The following MCC variants were observed in gnomAD, a reference collection of about 807,000 sequenced individuals.
MCC encodes the protein colorectal mutant cancer protein.
A neutral mutation model predicts 116.2 loss-of-function variants in MCC; 90 were observed. The observed-to-expected ratio is 0.77, with a 90% CI of 0.65 to 0.92. The LOEUF is 0.92. MCC is among the 40% of genes least tolerant of loss of function. MCC has a pLI of 0.00. For synonymous variants in MCC, 578 were observed against 510.5 expected, an observed-to-expected ratio of 1.13 and a Z score of -1.78; for missense variants, 1,516 against 1,312.2, an observed-to-expected ratio of 1.16 and a Z score of -2.40.
intron 3 of MCC, among the ~76,000 whole-genome samples, chr5:113,179,815 C>G (rs1463968674): frequency 6.6e-6 from 1 of 152,190 alleles, no homozygotes; most frequent in Admixed American, 6.5e-5. Context: ...GCCGTGTTTA[C>G]AAGAGCATGG....
intron 11 of MCC, 101 bp from the exon 12 acceptor site, chr5:113,071,335 G>C: frequency 1.6e-6 from 2 of 1,271,810 alleles, no homozygotes; most frequent in East Asian, 2.4e-5. Flanking sequence ...ATGTGAGGAT[G>C]TGGGCCTGTC....
At chr5:113,400,415 G>A (rs1392155981) in intron 1 of MCC, among the ~76,000 whole-genome samples, 1 of 151,938 alleles carries the variant, frequency 6.6e-6, no homozygotes, top group East Asian at 1.9e-4. Context: ...GAGTCACCGC[G>A]CATGGCCTGT....
intron 2 of MCC, among the ~76,000 whole-genome samples, chr5:113,383,149 A>C (rs900726402): frequency 2.6e-5 from 4 of 152,188 alleles, no homozygotes; most frequent in African/African-American, 7.2e-5. Context: ...TTTTTTTCAC[A>C]AAAAATTTCC....
intron 1 of MCC, among the ~76,000 whole-genome samples, chr5:113,412,330 G>A (rs1295129267): frequency 2.6e-5 from 4 of 152,140 alleles, no homozygotes; most frequent in Non-Finnish European, 5.9e-5. Flanking sequence ...TAGCTTGATG[G>A]GGATGGCATT....
chr5:113,177,800 A>G (rs1037147564), intron 3 of MCC, among the ~76,000 whole-genome samples: 1 of 152,210 alleles, frequency 6.6e-6, no homozygotes, highest in African/African-American at 2.4e-5. Context: ...GTGGGTACAC[A>G]GTCTTCATAT....
At chr5:113,084,273 C>T (rs757555984) in intron 9 of MCC, 83 bp from the exon 10 acceptor site, 19 of 1,048,790 alleles carry the variant, frequency 1.8e-5, no homozygotes, top group Non-Finnish European at 2.8e-5. Context: ...TACAGGGCTA[C>T]TTTTTAGCCA....
At chr5:113,031,974 C>T (rs1169449140) in intron 17 of MCC, among the ~76,000 whole-genome samples, 1 of 152,070 alleles carries the variant, frequency 6.6e-6, no homozygotes, top group Admixed American at 6.5e-5. Flanking sequence ...CTGGGAGAAA[C>T]CCCAGGAAAG....
chr5:113,152,045 C>T (rs1271369163), intron 3 of MCC, among the ~76,000 whole-genome samples: 1 of 152,174 alleles, frequency 6.6e-6, no homozygotes, highest in Non-Finnish European at 1.5e-5. Flanking sequence ...TGCTTATGTG[C>T]TAGCAGGCCC....
At chr5:113,463,653 A>G (rs891245142) in intron 1 of MCC, among the ~76,000 whole-genome samples, 19 of 152,176 alleles carry the variant, frequency 1.2e-4, no homozygotes, top group African/African-American at 4.6e-4. Flanking sequence ...GGAGTTTAAA[A>G]TGCCTTACAA....
At position 113,305,884 on chromosome 5, in the gene MCC, C is replaced by T. The variant is rs142789880; in HGVS notation, c.627+34635G>A. ...TTAGAACATTTTCATCACCCCCAAA[C>T]GAAATTCATACTCATTAGCAGTCAC... On this transcript the variant is annotated intron_variant, in intron 3 of 18. Transcript: ENST00000408903. Among the ~76,000 whole-genome samples, 285 of 152,282 alleles carry T rather than the reference C, an allele frequency of 1.9e-3. 2 individuals are homozygous for T. Among genetic ancestry groups the T allele is most frequent in the African/African-American group, 5.6e-3 (232 of 41,562 alleles).
intron 1 of MCC, among the ~76,000 whole-genome samples, chr5:113,487,879 C>T (rs969570182): frequency 2.6e-5 from 4 of 152,186 alleles, no homozygotes; most frequent in Admixed American, 6.5e-5. Context: ...CATCTTGATG[C>T]CCAGGACCCC....
chr5:113,161,584 C>T (rs1359972131), intron 3 of MCC, among the ~76,000 whole-genome samples: 4 of 150,910 alleles, frequency 2.7e-5, no homozygotes, highest in Admixed American at 1.3e-4. Flanking sequence ...AAGGACAATA[C>T]TTTTTGTTTG....
chr5:113,391,859 A>G (rs1769410635), intron 1 of MCC, among the ~76,000 whole-genome samples: 1 of 152,144 alleles, frequency 6.6e-6, no homozygotes, highest in South Asian at 2.1e-4. Flanking sequence ...GGGTGTGGAG[A>G]GGGAGGTAGG....
At chr5:113,481,081 C>T (rs946644018) in intron 1 of MCC, among the ~76,000 whole-genome samples, 16 of 152,086 alleles carry the variant, frequency 1.1e-4, no homozygotes, top group African/African-American at 2.9e-4. Context: ...CTGGCCAAGA[C>T]TTGGATTTTA....
intron 3 of MCC, among the ~76,000 whole-genome samples, chr5:113,247,038 C>A (rs1764606915): frequency 6.6e-6 from 1 of 152,226 alleles, no homozygotes; most frequent in South Asian, 2.1e-4. Flanking sequence ...AGAGTCTGCT[C>A]TTTCACCTTT....
chr5:113,336,720 C>T (rs1270223906), intron 3 of MCC, among the ~76,000 whole-genome samples: 1 of 152,198 alleles, frequency 6.6e-6, no homozygotes, highest in East Asian at 1.9e-4. Flanking sequence ...ATCTCTTATT[C>T]TGTATAATGT....
intron 3 of MCC, among the ~76,000 whole-genome samples, chr5:113,207,501 AAT>A (rs1762961644): frequency 6.6e-6 from 1 of 152,084 alleles, no homozygotes; most frequent in Non-Finnish European, 1.5e-5. Context: ...GGAAGAACTG[AAT>A]CTTAGAGAAT....
intron 16 of MCC, among the ~76,000 whole-genome samples, chr5:113,043,860 C>A (rs984018081): frequency 1.3e-5 from 2 of 152,240 alleles, no homozygotes; most frequent in African/African-American, 4.8e-5. Context: ...GGGGATGACA[C>A]CCAGTATGCT....
intron 5 of MCC, among the ~76,000 whole-genome samples, chr5:113,128,208 C>T (rs7719693): frequency 0.055 from 8,344 of 152,290 alleles, 301 homozygotes; most frequent in African/African-American, 0.099. Flanking sequence ...TTTGGGTGCA[C>T]ATTCATGCCT....
Sources: allele counts gnomAD v4.1 joint callset (sites outside exome capture counted in the v4.1 genomes callset), GRCh38; gene constraint gnomAD v4.1.1; transcripts MANE v1.5; gene names NCBI Gene and HGNC (gene_info 2026-07-23, HGNC 2026-07-21).